The following CTIF variants were observed in gnomAD, a reference collection of about 807,000 sequenced individuals.
CTIF encodes the protein cap binding complex dependent translation initiation factor, also known as CBP80/20-dependent translation initiation factor.
A neutral mutation model predicts 66.0 loss-of-function variants in CTIF; 21 were observed. The observed-to-expected ratio is 0.32, with a 90% CI of 0.23 to 0.46. CTIF has a LOEUF of 0.46. Ranked by LOEUF, CTIF falls within the 20% of genes least tolerant of loss-of-function variation. CTIF has a pLI of 1.00. For missense variants in CTIF, 739 were observed against 812.7 expected, an observed-to-expected ratio of 0.91 and a Z score of 1.10; for synonymous variants, 345 against 326.4, an observed-to-expected ratio of 1.06 and a Z score of -0.62.
chr18:48,814,552 A>G (rs1296054943), intron 9 of CTIF, among the ~76,000 whole-genome samples: 1 of 152,228 alleles, frequency 6.6e-6, no homozygotes, highest in African/African-American at 2.4e-5. Flanking sequence ...CCATTTTAAA[A>G]TGAGAATGGT....
At chr18:48,701,288 C>G (rs1196329866) in intron 6 of CTIF, among the ~76,000 whole-genome samples, 1 of 152,164 alleles carries the variant, frequency 6.6e-6, no homozygotes, top group Non-Finnish European at 1.5e-5. Context: ...TTGCCATTTT[C>G]AGTTCAGAAG....
intron 1 of CTIF, among the ~76,000 whole-genome samples, chr18:48,554,072 C>G (rs2088958241): frequency 2.0e-5 from 3 of 152,194 alleles, no homozygotes; most frequent in African/African-American, 7.2e-5. Context: ...AGAGGCTGTG[C>G]ACACCCAGCT....
At chr18:48,701,732 T>C (rs2092087774) in intron 6 of CTIF, among the ~76,000 whole-genome samples, 1 of 152,250 alleles carries the variant, frequency 6.6e-6, no homozygotes, top group South Asian at 2.1e-4. Context: ...TCCTCACCTA[T>C]TTTATCTGTT....
intron 9 of CTIF, among the ~76,000 whole-genome samples, chr18:48,792,779 G>A (rs1394024831): frequency 1.3e-5 from 2 of 152,160 alleles, no homozygotes; most frequent in Non-Finnish European, 2.9e-5. Context: ...ACCACTAACT[G>A]AGGTGGGGAA....
At chr18:48,736,481 G>A (rs769828071) in intron 7 of CTIF, among the ~76,000 whole-genome samples, 3 of 152,194 alleles carry the variant, frequency 2.0e-5, no homozygotes, top group African/African-American at 4.8e-5. Context: ...TTCATGGAAC[G>A]CTCCACCCAG....
At chr18:48,809,308 A>T (rs1209070857) in intron 9 of CTIF, among the ~76,000 whole-genome samples, 3 of 152,142 alleles carry the variant, frequency 2.0e-5, no homozygotes, top group Non-Finnish European at 4.4e-5. Flanking sequence ...CCATATATTT[A>T]ATCAAATCAT....
chr18:48,777,481 C>T (rs1388695234), intron 9 of CTIF, among the ~76,000 whole-genome samples: 3 of 152,178 alleles, frequency 2.0e-5, no homozygotes, highest in Admixed American at 2.0e-4. Context: ...TCCAGACCTC[C>T]AAAACGGGCC....
Position 48,861,874 on chromosome 18 carries a change from A to G in CTIF, c.*2315A>G, listed in dbSNP as rs1033349971. 2.0e-5 allele frequency: 3 copies of G among 152,204 alleles called. No individual in the cohort carries two copies. Among genetic ancestry groups the G allele is most frequent in the African/African-American group, 7.2e-5 (3 of 41,446 alleles). The allele number at this position is 152,204 out of a possible 1,614,324, so 9.4% of individuals were successfully genotyped here. A position where few individuals can be genotyped will look rare whatever the true frequency, so the allele number is the denominator to read the frequency against. On this transcript the variant is annotated 3_prime_UTR_variant, in exon 12 of 12. Coordinates refer to ENST00000256413, the MANE Select transcript of CTIF (RefSeq NM_014772.3). ...AAGTGAAATATAAATATGTATACAT[A>G]TATAAATATATTTTTAATTACATGT...
intron 10 of CTIF, among the ~76,000 whole-genome samples, chr18:48,845,018 C>T (rs1047272781): frequency 1.3e-5 from 2 of 152,182 alleles, no homozygotes; most frequent in East Asian, 3.9e-4. Flanking sequence ...ACTTTAACCA[C>T]ACCAGATTCC....
chr18:48,735,098 T>C (rs753122074), intron 7 of CTIF, among the ~76,000 whole-genome samples: 7 of 107,044 alleles, frequency 6.5e-5, no homozygotes, highest in South Asian at 2.2e-4. Flanking sequence ...TTTGTGTGCG[T>C]GTGTGTGTGT....
chr18:48,628,411 G>A (rs1568085760), intron 2 of CTIF, among the ~76,000 whole-genome samples: 1 of 152,132 alleles, frequency 6.6e-6, no homozygotes, highest in Non-Finnish European at 1.5e-5. Context: ...TAACAAAGGA[G>A]ACTGTTTGCA....
chr18:48,619,751 C>A lies in CTIF; in HGVS notation c.180+6C>A. ...CCCAGTCCCACATCTCCCAGGTGAG[C>A]GCGGGCCCGGGGTTGGGGCAGCTTG... On this transcript the variant is annotated splice_donor_region_variant and intron_variant, in intron 2 of 11. Transcript: ENST00000256413. The A allele has an allele frequency of 1.9e-6, 3 of 1,563,082 alleles. No homozygotes were observed. Among genetic ancestry groups the A allele is most frequent in the Non-Finnish European group, 2.6e-6 (3 of 1,152,582 alleles).
At chr18:48,614,860 TTTGG>T (rs990244563) in intron 1 of CTIF, among the ~76,000 whole-genome samples, 2 of 152,082 alleles carry the variant, frequency 1.3e-5, no homozygotes, top group Non-Finnish European at 2.9e-5. Context: ...TTTTGTTTGG[TTTGG>T]TTGGTTGGTT....
chr18:48,830,200 T>C (rs967481949), intron 10 of CTIF, among the ~76,000 whole-genome samples: 5 of 152,252 alleles, frequency 3.3e-5, no homozygotes, highest in African/African-American at 1.2e-4. Flanking sequence ...TGTCTCGCTC[T>C]GTCACCCAGG....
At chr18:48,806,102 G>A (rs961182272) in intron 9 of CTIF, among the ~76,000 whole-genome samples, 33 of 152,302 alleles carry the variant, frequency 2.2e-4, no homozygotes, top group African/African-American at 6.0e-4. Flanking sequence ...TGTGGTGGAG[G>A]GGACAGCCAG....
chr18:48,707,798 G>A (rs1234336507), intron 6 of CTIF, among the ~76,000 whole-genome samples: 1 of 152,090 alleles, frequency 6.6e-6, no homozygotes, highest in Non-Finnish European at 1.5e-5. Context: ...GTTGTGCAAC[G>A]ATCACTACTG....
intron 9 of CTIF, among the ~76,000 whole-genome samples, chr18:48,769,240 G>A (rs139137758): frequency 7.1e-4 from 108 of 152,348 alleles, no homozygotes; most frequent in Admixed American, 1.0e-3. Context: ...AGGGATAGAA[G>A]CACATTGTTC....
At chr18:48,844,248 C>T (rs2069017543) in intron 10 of CTIF, among the ~76,000 whole-genome samples, 1 of 152,068 alleles carries the variant, frequency 6.6e-6, no homozygotes, top group Admixed American at 6.5e-5. Context: ...CAGCTGCTTC[C>T]CTGGAGTCTC....
chr18:48,609,076 C>T (rs535708086), intron 1 of CTIF, among the ~76,000 whole-genome samples: 45 of 152,328 alleles, frequency 3.0e-4, no homozygotes, highest in Middle Eastern at 3.4e-3. Context: ...GGTGGTGGGG[C>T]TCACCCATCT....
Sources: gnomAD v4.1 joint callset for allele counts (sites outside exome capture counted in the v4.1 genomes callset) on GRCh38, gnomAD v4.1.1 for gene constraint, MANE v1.5 for transcripts, NCBI Gene and HGNC (gene_info 2026-07-23, HGNC 2026-07-21) for gene names.